Variants in ATP9B observed in about 807,000 individuals in gnomAD.
ATP9B encodes the protein probable phospholipid-transporting ATPase IIB.
Under a neutral mutation model 146.1 loss-of-function variants are expected in ATP9B, and 110 were observed. The observed-to-expected ratio is 0.75, with a 90% CI of 0.65 to 0.88. The LOEUF is 0.88. ATP9B is among the 40% of genes least tolerant of loss of function. The pLI, the probability that ATP9B is intolerant of heterozygous loss-of-function variation, is 0.00. For missense variants in ATP9B, 1,499 were observed against 1,496.4 expected (o/e 1.00, Z -0.03); for synonymous variants, 604 against 569.7 (o/e 1.06, Z -0.86).
At chr18:79,202,084 G>A (rs1218683299) in intron 9 of ATP9B, among the ~76,000 whole-genome samples, 1 of 152,130 alleles carries the variant, frequency 6.6e-6, no homozygotes, top group African/African-American at 2.4e-5. Context: ...CGGAATTAGA[G>A]AAAATTAATT....
rs147245513 is a variant in ATP9B at position 79,185,947 on chromosome 18, G to T, written c.874-7236G>T. Among the ~76,000 whole-genome samples the T allele has an allele frequency of 5.8e-3, 883 of 152,312 alleles. 8 individuals are homozygous for T. Among genetic ancestry groups the T allele is most frequent in the African/African-American group, 0.02 (827 of 41,576 alleles). On this transcript the variant is annotated intron_variant, in intron 8 of 29. Transcript: ENST00000426216. ...TTGTCCATTCTGTTATATTCTCAGA[G>T]AATTAAAATTTCAGAGTCATGTAAT... is the stretch of plus-strand genomic sequence containing the variant.
At chr18:79,102,905 T>A (rs897389249) in intron 2 of ATP9B, among the ~76,000 whole-genome samples, 36 of 152,392 alleles carry the variant, frequency 2.4e-4, no homozygotes, top group South Asian at 4.1e-4. Flanking sequence ...TTTGGTATTT[T>A]AAATTTTGGA....
chr18:79,278,080 T>G (rs1157007940), intron 13 of ATP9B, among the ~76,000 whole-genome samples: 4 of 152,124 alleles, frequency 2.6e-5, no homozygotes, highest in African/African-American at 9.7e-5. Flanking sequence ...AACAAATATT[T>G]GCAGGTATAG....
chr18:79,203,814 C>A (rs73971515), intron 9 of ATP9B, among the ~76,000 whole-genome samples: 2 of 152,122 alleles, frequency 1.3e-5, no homozygotes, highest in African/African-American at 4.8e-5. Flanking sequence ...CCGTGTCAAC[C>A]GTATCTGGGA....
intron 7 of ATP9B, among the ~76,000 whole-genome samples, chr18:79,161,226 TTGA>T (rs1413968208): frequency 6.6e-6 from 1 of 152,214 alleles, no homozygotes; most frequent in Non-Finnish European, 1.5e-5. Flanking sequence ...CACTTTCAAA[TTGA>T]TGATGTTTTA....
chr18:79,273,792 A>G (rs1309348865), intron 12 of ATP9B, among the ~76,000 whole-genome samples: 1 of 152,234 alleles, frequency 6.6e-6, no homozygotes, highest in Non-Finnish European at 1.5e-5. Context: ...ACACTTTTGT[A>G]GCTGTGGAGC....
chr18:79,299,556 T>C (rs2096576045), intron 13 of ATP9B, among the ~76,000 whole-genome samples: 1 of 152,214 alleles, frequency 6.6e-6, no homozygotes, highest in Non-Finnish European at 1.5e-5. Context: ...AGTAGCATGA[T>C]CTCTTGCAGC....
intron 15 of ATP9B, among the ~76,000 whole-genome samples, chr18:79,317,663 C>T (rs1428348594): frequency 2.6e-5 from 4 of 152,104 alleles, no homozygotes; most frequent in African/African-American, 9.7e-5. Context: ...CCTTAGAGTA[C>T]AGGTAAAGGT....
intron 1 of ATP9B, among the ~76,000 whole-genome samples, chr18:79,083,886 G>A (rs1484272155): frequency 2.7e-5 from 4 of 148,074 alleles, no homozygotes; most frequent in Non-Finnish European, 4.5e-5. Flanking sequence ...TTTTTTGAGA[G>A]GGAGTCTTTC....
chr18:79,377,737 CGG>C lies in ATP9B; in HGVS notation c.*355_*356del. 4.2e-6 allele frequency: 1 copy of C among 236,660 alleles called. No homozygotes were observed. Among genetic ancestry groups the C allele is most frequent in the Admixed American group, 5.1e-5 (1 of 19,664 alleles). The allele number at this position is 236,660 out of a possible 1,614,324, so 14.7% of individuals were successfully genotyped here. A position where few individuals can be genotyped will look rare whatever the true frequency, so the allele number is the denominator to read the frequency against. ...CAAGCCCAGGGCACAGAGGCCGGGA[CGG>C]CCTCTCCCTCTCAGTGTGAGGCTTC... On this transcript the variant is annotated 3_prime_UTR_variant, in exon 30 of 30. Transcript: ENST00000426216.
intron 15 of ATP9B, among the ~76,000 whole-genome samples, chr18:79,314,855 T>C (rs889426832): frequency 5.9e-5 from 9 of 152,242 alleles, no homozygotes; most frequent in Non-Finnish European, 1.2e-4. Context: ...ACTAGTGGCA[T>C]GAGCCCTCGG....
intron 11 of ATP9B, among the ~76,000 whole-genome samples, chr18:79,248,192 A>C (rs955087711): frequency 1.3e-5 from 2 of 152,230 alleles, no homozygotes; most frequent in African/African-American, 4.8e-5. Flanking sequence ...CATATCCAAA[A>C]AAGAATAATA....
At chr18:79,178,082 A>G (rs1020282732) in intron 8 of ATP9B, among the ~76,000 whole-genome samples, 2 of 152,146 alleles carry the variant, frequency 1.3e-5, no homozygotes, top group African/African-American at 4.8e-5. Context: ...GGTAGAGTCA[A>G]CCAGGCAGCT....
chr18:79,300,965 C>T (rs1222804243), intron 13 of ATP9B, among the ~76,000 whole-genome samples: 2 of 152,204 alleles, frequency 1.3e-5, no homozygotes, highest in Non-Finnish European at 2.9e-5. Flanking sequence ...CATCATGCTT[C>T]ACACTAAGAG....
At chr18:79,154,111 G>A (rs111892784) in intron 6 of ATP9B, among the ~76,000 whole-genome samples, 7 of 146,352 alleles carry the variant, frequency 4.8e-5, no homozygotes, top group African/African-American at 1.3e-4. Flanking sequence ...CTGCCACCAC[G>A]CCCAGCTAAT....
intron 12 of ATP9B, among the ~76,000 whole-genome samples, chr18:79,268,741 G>C (rs2096228163): frequency 6.6e-6 from 1 of 152,084 alleles, no homozygotes; most frequent in Non-Finnish European, 1.5e-5. Context: ...CCACGTTTCG[G>C]TTCGTAATGT....
At chr18:79,164,286 C>T (rs147579694) in intron 7 of ATP9B, among the ~76,000 whole-genome samples, 5 of 152,208 alleles carry the variant, frequency 3.3e-5, no homozygotes, top group East Asian at 1.9e-4. Context: ...TAATTGATAA[C>T]GCCAATAACT....
rs889271539 is a variant in ATP9B at position 79,092,674 on chromosome 18, A to T, written c.120-3802A>T. Among the ~76,000 whole-genome samples, 30 of 147,044 alleles carry T rather than the reference A, an allele frequency of 2.0e-4. 1 individual carries two copies. The highest frequency in any genetic ancestry group is 3.7e-4 in the Non-Finnish European group (25 of 66,802). Reference sequence around the variant, plus strand: ...TTTTTTTTTTTGGTTAAAAACGGAAACAAAAACACACATATTAGTCTAGGC... The same window carrying T: ...TTTTTTTTTTTGGTTAAAAACGGAATCAAAAACACACATATTAGTCTAGGC... On this transcript the variant is annotated intron_variant, in intron 1 of 29. Coordinates refer to ENST00000426216, the MANE Select transcript of ATP9B (RefSeq NM_198531.5).
At chr18:79,076,973 C>T (rs1192020157) in intron 1 of ATP9B, among the ~76,000 whole-genome samples, 1 of 152,068 alleles carries the variant, frequency 6.6e-6, no homozygotes, top group African/African-American at 2.4e-5. Flanking sequence ...TTGATTCTTC[C>T]TCATACTAGC....
Sources: gnomAD v4.1 joint callset for allele counts (sites outside exome capture counted in the v4.1 genomes callset) on GRCh38, gnomAD v4.1.1 for gene constraint, MANE v1.5 for transcripts, NCBI Gene and HGNC (gene_info 2026-07-23, HGNC 2026-07-21) for gene names.